CRHR2: variants seen among roughly 807,000 people sequenced by gnomAD.
The protein encoded by CRHR2 is corticotropin-releasing hormone receptor 2.
Under a neutral mutation model 57.9 loss-of-function variants are expected in CRHR2, and 53 were observed. The ratio of observed to expected loss-of-function variants is 0.92; its 90% CI spans 0.73 to 1.15. CRHR2 has a LOEUF of 1.15. Among genes scored for constraint, CRHR2 ranks in the 50% most tolerant of loss-of-function variants. CRHR2 has a pLI of 0.00. For missense variants in CRHR2, 532 were observed against 542.6 expected, an observed-to-expected ratio of 0.98 and a Z score of 0.19; for synonymous variants, 213 against 220.9, an observed-to-expected ratio of 0.96 and a Z score of 0.32.
intron 11 of CRHR2, chr7:30,654,797 G>T: frequency 6.5e-7 from 1 of 1,537,860 alleles, no homozygotes; most frequent in Non-Finnish European, 8.7e-7. Flanking sequence ...GGGCTTCCTT[G>T]CTCACCCAGC....
intron 2 of CRHR2, among the ~76,000 whole-genome samples, chr7:30,674,557 G>A (rs1049337288): frequency 5.3e-5 from 8 of 152,180 alleles, no homozygotes; most frequent in Admixed American, 2.6e-4. Flanking sequence ...TAGGATGGCC[G>A]GGATTAGATC....
upstream of CRHR2, among the ~76,000 whole-genome samples, chr7:30,683,388 G>T (rs926169530): frequency 6.6e-6 from 1 of 152,160 alleles, no homozygotes; most frequent in African/African-American, 2.4e-5. Context: ...GTGTGGAGGA[G>T]CTGGAAACCT....
At chr7:30,672,112 C>T (rs1018545395) in intron 2 of CRHR2, among the ~76,000 whole-genome samples, 3 of 152,244 alleles carry the variant, frequency 2.0e-5, no homozygotes, top group African/African-American at 7.2e-5. Context: ...AGCCTTCCCA[C>T]CCGATATTCC....
intron 7 of CRHR2, among the ~76,000 whole-genome samples, chr7:30,661,627 C>A (rs1784003500): frequency 6.6e-6 from 1 of 152,226 alleles, no homozygotes; most frequent in Non-Finnish European, 1.5e-5. Context: ...GACTTTCTGG[C>A]TGCTCCTTGG....
At position 30,653,943 on chromosome 7, in the gene CRHR2, C is replaced by T. The variant is rs528191364; in HGVS notation, c.1096-343G>A. 1.4e-4 allele frequency among the ~76,000 whole-genome samples: 21 copies of T among 152,278 alleles called. No individual in the cohort carries two copies. The South Asian group carries it at 3.1e-3, about 23-fold the overall frequency. On this transcript the variant is annotated intron_variant, in intron 11 of 11. Transcript: ENST00000471646. The surrounding 1 kb of genome is among the most constrained non-coding windows in gnomAD (Gnocchi z 5.0). ...GAGCGCAGCTTGGAGACTTGGCCCCCTCAGCCTTCTTGGGCCCCTGCTCCT... is the reference window on the plus strand; with the variant it reads ...GAGCGCAGCTTGGAGACTTGGCCCCTTCAGCCTTCTTGGGCCCCTGCTCCT...
chr7:30,695,060 G>A (rs1050805243), intron 1 of CRHR2, among the ~76,000 whole-genome samples: 1 of 140,054 alleles, frequency 7.1e-6, no homozygotes, highest in Admixed American at 7.2e-5. Context: ...GGGAGGAGGG[G>A]GAAGAGGGGA....
intron 5 of CRHR2, among the ~76,000 whole-genome samples, chr7:30,663,473 T>C (rs1333175673): frequency 6.6e-6 from 1 of 152,200 alleles, no homozygotes; most frequent in Non-Finnish European, 1.5e-5. Flanking sequence ...TAACCCTGCC[T>C]TCCAGGGTGG....
chr7:30,670,449 C>T (rs541693956), intron 2 of CRHR2, among the ~76,000 whole-genome samples: 3 of 152,340 alleles, frequency 2.0e-5, no homozygotes, highest in Admixed American at 6.5e-5. Flanking sequence ...GAGGAAATGT[C>T]GGCTGAACAG....
At chr7:30,695,127 A>T (rs944496749) in intron 1 of CRHR2, among the ~76,000 whole-genome samples, 1 of 138,758 alleles carries the variant, frequency 7.2e-6, no homozygotes, top group African/African-American at 2.7e-5. Flanking sequence ...CTGCACAGAC[A>T]TAGGGGGCAG....
chr7:30,677,906 CA>C (rs1784568557), intron 2 of CRHR2, among the ~76,000 whole-genome samples: 1 of 152,220 alleles, frequency 6.6e-6, no homozygotes, highest in South Asian at 2.1e-4. Flanking sequence ...CCCAACTCTA[CA>C]AAAAATTTAA....
At chr7:30,667,435 T>C (rs1784223680) in intron 2 of CRHR2, 122 bp from the exon 3 acceptor site, 2 of 691,622 alleles carry the variant, frequency 2.9e-6, no homozygotes, top group Non-Finnish European at 2.5e-6. Flanking sequence ...GCAAATACAA[T>C]GTGCATCTGA....
At chr7:30,668,714 G>A (rs1784263089) in intron 2 of CRHR2, among the ~76,000 whole-genome samples, 1 of 152,184 alleles carries the variant, frequency 6.6e-6, no homozygotes, top group Admixed American at 6.5e-5. Flanking sequence ...TTGTTTTTTA[G>A]TTTGGTGCCT....
chr7:30,680,056 C>A (rs964183422), intron 2 of CRHR2, among the ~76,000 whole-genome samples: 2 of 152,216 alleles, frequency 1.3e-5, no homozygotes, highest in African/African-American at 4.8e-5. Context: ...GGTGCCCCAA[C>A]CTTTTATCAG....
rs550112163 is a variant in CRHR2, at chr7:30,655,496, C to T, written c.1053+84G>A. ...CTGAGCCATGGGTGTGCCAGTCCCA[C>T]GGGACCCCCTTAGTGAGGGCATGGC... On this transcript the variant is annotated intron_variant, in intron 10 of 11. Coordinates refer to ENST00000471646, the MANE Select transcript of CRHR2 (RefSeq NM_001883.5). 651 of 1,499,866 alleles carry T rather than the reference C, an allele frequency of 4.3e-4. 1 individual carries two copies. The highest frequency in any genetic ancestry group is 1.3e-3 in the South Asian group (103 of 78,074). 92.9% of individuals were successfully genotyped at this position (1,499,866 alleles called of 1,614,324 possible).
At chr7:30,667,202 G>C in intron 3 of CRHR2, 26 bp downstream of exon 3, 1 of 1,605,284 alleles carries the variant, frequency 6.2e-7, no homozygotes, top group Non-Finnish European at 8.5e-7. Flanking sequence ...TGAGGCCTGG[G>C]GTCACAGCAG....
chr7:30,662,589 G>T, intron 6 of CRHR2, 105 bp downstream of exon 6: 1 of 1,415,406 alleles, frequency 7.1e-7, no homozygotes, highest in Non-Finnish European at 9.7e-7. Context: ...TGCGCTGGGG[G>T]TGGAGGGCAG....
intron 7 of CRHR2, among the ~76,000 whole-genome samples, chr7:30,661,401 A>C (rs1174507600): frequency 1.3e-5 from 2 of 152,254 alleles, no homozygotes; most frequent in East Asian, 1.9e-4. Flanking sequence ...CTCCTTTGAC[A>C]GGAAGCTCAC....
chr7:30,683,353 C>T (rs572321387), upstream of CRHR2, among the ~76,000 whole-genome samples: 22 of 152,272 alleles, frequency 1.4e-4, no homozygotes, highest in East Asian at 5.8e-4. Context: ...GGGGCAGGGG[C>T]GGGGAGAATC....
At chr7:30,688,011 GT>G (rs1784887854) in intron 2 of CRHR2, among the ~76,000 whole-genome samples, 1 of 152,234 alleles carries the variant, frequency 6.6e-6, no homozygotes, top group Non-Finnish European at 1.5e-5. Context: ...GCTGAACTGT[GT>G]TGCTCCAAAA....
Sources: allele counts gnomAD v4.1 joint callset (sites outside exome capture counted in the v4.1 genomes callset), GRCh38; gene constraint gnomAD v4.1.1; non-coding constraint Gnocchi (gnomAD v3.1); transcripts MANE v1.5; gene names NCBI Gene and HGNC (gene_info 2026-07-23, HGNC 2026-07-21).